HS6ST3: variants seen among roughly 807,000 people sequenced by gnomAD.
HS6ST3 encodes heparan-sulfate 6-O-sulfotransferase 3.
A neutral mutation model predicts 36.7 loss-of-function variants in HS6ST3; 12 were observed. The observed-to-expected ratio is 0.33, with a 90% CI of 0.21 to 0.53. HS6ST3 has a LOEUF of 0.53. Among genes scored for constraint, HS6ST3 ranks in the 20% least tolerant of loss-of-function variants. The probability of loss-of-function intolerance (pLI) is 0.95; values close to 1 mark genes in which losing one functional copy is unlikely to be tolerated. For synonymous variants in HS6ST3, 240 were observed against 257.5 expected (o/e 0.93, Z 0.65); for missense variants, 584 against 640.9 (o/e 0.91, Z 0.96).
chr13:96,192,991 C>T (rs949338137), intron 1 of HS6ST3, among the ~76,000 whole-genome samples: 2 of 152,112 alleles, frequency 1.3e-5, no homozygotes, highest in Non-Finnish European at 2.9e-5. Context: ...TGTCTGTCAG[C>T]CTCCCTGATT....
intron 1 of HS6ST3, among the ~76,000 whole-genome samples, chr13:96,657,101 A>G (rs1216993458): frequency 6.6e-6 from 1 of 152,010 alleles, no homozygotes; most frequent in Non-Finnish European, 1.5e-5. Context: ...AAAGCAGGAA[A>G]TAATCAAAGG....
At chr13:96,740,002 C>T (rs776747274) in intron 1 of HS6ST3, among the ~76,000 whole-genome samples, 4 of 152,288 alleles carry the variant, frequency 2.6e-5, no homozygotes, top group Middle Eastern at 3.4e-3. Context: ...GTCACTGTGT[C>T]CATGAGACAC....
chr13:96,257,234 C>T lies in HS6ST3; in HGVS notation c.707+165665C>T, dbSNP rs568861471. ...AGGATTTTCCTTCCTAATCCTACTA[C>T]GCTGGCCTCAGAAGAGTCTTTGCCA... is the stretch of plus-strand genomic sequence containing the variant. On this transcript the variant is annotated intron_variant, in intron 1 of 1. Transcript: ENST00000376705. Among the ~76,000 whole-genome samples, 18 of 152,262 alleles carry T rather than the reference C, an allele frequency of 1.2e-4. No individual in the cohort carries two copies. In the South Asian group the frequency reaches 1.7e-3, roughly 14 times the overall value.
At chr13:96,573,611 C>A in intron 1 of HS6ST3, 1 of 216,344 alleles carries the variant, frequency 4.6e-6, no homozygotes, top group South Asian at 6.2e-5. Context: ...TTCTAGAACT[C>A]GAGCACCCAA....
chr13:96,212,658 A>C (rs948051668), intron 1 of HS6ST3, among the ~76,000 whole-genome samples: 1 of 152,110 alleles, frequency 6.6e-6, no homozygotes, highest in Non-Finnish European at 1.5e-5. Flanking sequence ...GATGGGTCTC[A>C]AGTGCTAAGT....
At chr13:96,704,052 T>C (rs1218023025) in intron 1 of HS6ST3, among the ~76,000 whole-genome samples, 4 of 152,182 alleles carry the variant, frequency 2.6e-5, no homozygotes, top group Non-Finnish European at 4.4e-5. Flanking sequence ...TCGTTATAAA[T>C]TGTCTGTCCT....
intron 1 of HS6ST3, among the ~76,000 whole-genome samples, chr13:96,694,023 T>A (rs1012305211): frequency 1.4e-4 from 21 of 152,324 alleles, no homozygotes; most frequent in Non-Finnish European, 2.4e-4. Flanking sequence ...CTTCTTTTTT[T>A]AATTTTATTT....
At chr13:96,521,374 T>C (rs1012726017) in intron 1 of HS6ST3, among the ~76,000 whole-genome samples, 3 of 152,208 alleles carry the variant, frequency 2.0e-5, no homozygotes, top group Admixed American at 2.0e-4. Context: ...TAAAATGAGT[T>C]AGGGAGGATT....
intron 1 of HS6ST3, among the ~76,000 whole-genome samples, chr13:96,723,630 C>A (rs1212539352): frequency 6.6e-6 from 1 of 152,206 alleles, no homozygotes; most frequent in African/African-American, 2.4e-5. Context: ...TTCTTCTGAA[C>A]CTTCCAGTCT....
At chr13:96,379,004 T>G (rs770099574) in intron 1 of HS6ST3, among the ~76,000 whole-genome samples, 27 of 152,178 alleles carry the variant, frequency 1.8e-4, no homozygotes, top group Non-Finnish European at 3.5e-4. Context: ...CACTCTCAAA[T>G]CACTAAGTCT....
chr13:96,650,231 T>C (rs115860537), intron 1 of HS6ST3, among the ~76,000 whole-genome samples: 2,053 of 152,192 alleles, frequency 0.013, 38 homozygotes, highest in African/African-American at 0.047. Context: ...TTGTTTACCA[T>C]GTATATCCCC....
chr13:96,275,834 A>ATTC (rs1385570568), intron 1 of HS6ST3, among the ~76,000 whole-genome samples: 3 of 148,168 alleles, frequency 2.0e-5, no homozygotes, highest in Non-Finnish European at 4.4e-5. Context: ...TGCCAGTACC[A>ATTC]TTCTTCTTCT....
chr13:96,724,635 AG>A (rs1399637404), intron 1 of HS6ST3, among the ~76,000 whole-genome samples: 12 of 152,200 alleles, frequency 7.9e-5, no homozygotes, highest in Admixed American at 7.8e-4. Context: ...TATACTCTTG[AG>A]GGTTTTTTTT....
At chr13:96,559,927 G>A (rs533229152) in intron 1 of HS6ST3, among the ~76,000 whole-genome samples, 1 of 152,088 alleles carries the variant, frequency 6.6e-6, no homozygotes, top group South Asian at 2.1e-4. Context: ...TTGTTAAATT[G>A]GTTTAATCAG....
chr13:96,510,785 A>T (rs1203677703), intron 1 of HS6ST3, among the ~76,000 whole-genome samples: 1 of 152,144 alleles, frequency 6.6e-6, no homozygotes, highest in African/African-American at 2.4e-5. Flanking sequence ...AGCCCCACAG[A>T]TAAGCATTCT....
intron 1 of HS6ST3, among the ~76,000 whole-genome samples, chr13:96,273,392 G>A (rs1354321563): frequency 6.6e-6 from 1 of 151,920 alleles, no homozygotes; most frequent in East Asian, 1.9e-4. Flanking sequence ...CATCAGCTTG[G>A]GTCCCACGTG....
rs770232805 is a variant in HS6ST3 at position 96,828,417 on chromosome 13, AT to A, written c.708-4064del. Among the ~76,000 whole-genome samples the A allele has an allele frequency of 9.3e-5, 14 of 151,340 alleles. No homozygotes were observed. The East Asian group carries it at 1.4e-3, about 15-fold the overall frequency. On this transcript the variant is annotated intron_variant, in intron 1 of 1. Transcript: ENST00000376705. ...AGAATGTTGCTTTAAGTTGGTGTGT[AT>A]TTTTTTTTAATTCAGTTTAGCTTGG...
intron 1 of HS6ST3, among the ~76,000 whole-genome samples, chr13:96,616,509 C>T (rs963205977): frequency 1.3e-5 from 2 of 152,106 alleles, no homozygotes; most frequent in Non-Finnish European, 2.9e-5. Flanking sequence ...TGCGCACAAA[C>T]CCAACCTAAG....
At chr13:96,313,232 T>G (rs2054950718) in intron 1 of HS6ST3, among the ~76,000 whole-genome samples, 1 of 151,982 alleles carries the variant, frequency 6.6e-6, no homozygotes, top group African/African-American at 2.4e-5. Flanking sequence ...TATTTTAGGA[T>G]TTCCTTTATT....
Sources: allele counts gnomAD v4.1 joint callset (sites outside exome capture counted in the v4.1 genomes callset), GRCh38; gene constraint gnomAD v4.1.1; transcripts MANE v1.5; gene names NCBI Gene and HGNC (gene_info 2026-07-23, HGNC 2026-07-21).